THSD7B: variants seen among roughly 807,000 people sequenced by gnomAD.
The protein encoded by THSD7B is thrombospondin type-1 domain-containing protein 7B.
THSD7B carries 138 observed loss-of-function variants against 213.6 expected under a neutral mutation model. That is an observed-to-expected ratio of 0.65 (90% CI 0.56 to 0.74). The LOEUF (loss-of-function observed/expected upper bound fraction) is 0.74, where lower values mean the gene tolerates loss of function less well. Among genes scored for constraint, THSD7B ranks in the 30% least tolerant of loss-of-function variants. THSD7B has a pLI of 0.00. For missense variants in THSD7B, 1,931 were observed against 1,991.5 expected, an observed-to-expected ratio of 0.97 and a Z score of 0.58; for synonymous variants, 742 against 687.0, an observed-to-expected ratio of 1.08 and a Z score of -1.25.
At chr2:136,814,068 A>T (rs1218599697) in intron 1 of THSD7B, among the ~76,000 whole-genome samples, 3 of 152,138 alleles carry the variant, frequency 2.0e-5, no homozygotes, top group Non-Finnish European at 4.4e-5. Context: ...CTCCAGAACC[A>T]CCAGTTGGGA....
chr2:137,217,488 A>T (rs950758751), intron 7 of THSD7B, among the ~76,000 whole-genome samples: 2 of 152,152 alleles, frequency 1.3e-5, no homozygotes, highest in African/African-American at 4.8e-5. Flanking sequence ...TGAAGTAGCC[A>T]ATGCAAACTT....
chr2:137,533,765 C>T (rs1216406873), intron 15 of THSD7B, among the ~76,000 whole-genome samples: 1 of 151,900 alleles, frequency 6.6e-6, no homozygotes, highest in Non-Finnish European at 1.5e-5. Context: ...ATTGAGATTT[C>T]AGCAAGTTGC....
intron 3 of THSD7B, among the ~76,000 whole-genome samples, chr2:137,075,660 C>T (rs939083592): frequency 1.3e-4 from 20 of 152,192 alleles, no homozygotes; most frequent in African/African-American, 4.8e-4. Flanking sequence ...AGGAGAGGCG[C>T]TCTGATTTTT....
chr2:137,364,704 A>G (rs1485746490), intron 12 of THSD7B, among the ~76,000 whole-genome samples: 1 of 152,186 alleles, frequency 6.6e-6, no homozygotes, highest in South Asian at 2.1e-4. Flanking sequence ...GACCTCTTCA[A>G]GGAGAACTAC....
intron 1 of THSD7B, among the ~76,000 whole-genome samples, chr2:136,780,923 G>A (rs1681730255): frequency 6.6e-6 from 1 of 152,112 alleles, no homozygotes; most frequent in African/African-American, 2.4e-5. Flanking sequence ...ATTAGAAGGG[G>A]GTGGATAGCC....
At chr2:136,905,137 G>C (rs759760452) in intron 2 of THSD7B, among the ~76,000 whole-genome samples, 1 of 152,200 alleles carries the variant, frequency 6.6e-6, no homozygotes, top group Non-Finnish European at 1.5e-5. Flanking sequence ...CACTGGTAGA[G>C]GTGAAATGAG....
At chr2:137,089,403 C>T (rs13019372) in intron 3 of THSD7B, among the ~76,000 whole-genome samples, 1 of 137,956 alleles carries the variant, frequency 7.2e-6, no homozygotes, top group African/African-American at 2.8e-5. Context: ...TGTATATATA[C>T]ATATACACAC....
chr2:137,636,190 CA>C (rs1326259180), intron 20 of THSD7B, among the ~76,000 whole-genome samples: 1 of 152,160 alleles, frequency 6.6e-6, no homozygotes, highest in Non-Finnish European at 1.5e-5. Context: ...GCCCAGTCAA[CA>C]AACTTTCTCC....
intron 2 of THSD7B, among the ~76,000 whole-genome samples, chr2:137,011,791 T>C (rs1686235043): frequency 6.6e-6 from 1 of 152,144 alleles, no homozygotes; most frequent in African/African-American, 2.4e-5. Flanking sequence ...AGCACTAGAG[T>C]CTGTTCCATC....
intron 12 of THSD7B, among the ~76,000 whole-genome samples, chr2:137,398,722 C>T (rs1686267570): frequency 6.6e-6 from 1 of 152,128 alleles, no homozygotes; most frequent in Admixed American, 6.5e-5. Flanking sequence ...GCTTTGTTTA[C>T]CTAATCAAGC....
intron 4 of THSD7B, among the ~76,000 whole-genome samples, 184 bp downstream of exon 4, chr2:137,095,305 T>C (rs1242148304): frequency 2.0e-5 from 3 of 152,192 alleles, no homozygotes; most frequent in African/African-American, 7.2e-5. Context: ...CTCCCTTGGT[T>C]TAAGTCCTGT....
intron 1 of THSD7B, among the ~76,000 whole-genome samples, chr2:136,827,820 A>T (rs146992240): frequency 2.0e-5 from 3 of 152,264 alleles, no homozygotes; most frequent in African/African-American, 7.2e-5. Context: ...AGAGAGAAAT[A>T]TTAAGGAGAA....
At chr2:137,616,106 C>G in intron 17 of THSD7B, 69 bp from the exon 18 acceptor site, 1 of 1,529,800 alleles carries the variant, frequency 6.5e-7, no homozygotes, top group Non-Finnish European at 8.9e-7. Context: ...CCTACTTATA[C>G]CTGTATATCT....
chr2:137,012,191 G>A (rs1458786237), intron 2 of THSD7B, among the ~76,000 whole-genome samples: 1 of 152,178 alleles, frequency 6.6e-6, no homozygotes, highest in Non-Finnish European at 1.5e-5. Flanking sequence ...TACTATGGAG[G>A]TTCAGTACTG....
intron 7 of THSD7B, among the ~76,000 whole-genome samples, chr2:137,185,804 G>T (rs531944473): frequency 1.3e-5 from 2 of 152,096 alleles, no homozygotes; most frequent in South Asian, 4.1e-4. Context: ...AAGTTCTTTG[G>T]GAAATCTCCA....
At chr2:137,311,445 CT>C (rs1683903662) in intron 12 of THSD7B, among the ~76,000 whole-genome samples, 1 of 152,114 alleles carries the variant, frequency 6.6e-6, no homozygotes, top group Non-Finnish European at 1.5e-5. Flanking sequence ...ATCATGTCGT[CT>C]GCAGACAGGG....
intron 12 of THSD7B, among the ~76,000 whole-genome samples, chr2:137,293,524 A>G (rs1315696058): frequency 2.0e-5 from 3 of 150,026 alleles, no homozygotes; most frequent in Non-Finnish European, 4.4e-5. Context: ...TTCTATCTCT[A>G]TCTTTCTATT....
At chr2:137,157,878 T>G (rs915394375) in intron 5 of THSD7B, among the ~76,000 whole-genome samples, 2 of 152,232 alleles carry the variant, frequency 1.3e-5, no homozygotes, top group Admixed American at 1.3e-4. Flanking sequence ...TCAGCTTACA[T>G]GGCCCACTTT....
chr2:136,835,448 T>G (rs1029094932), intron 1 of THSD7B, among the ~76,000 whole-genome samples: 4 of 152,322 alleles, frequency 2.6e-5, no homozygotes, highest in South Asian at 2.1e-4. Flanking sequence ...ATATTGATGA[T>G]GCAAAGTATC....
Sources: allele counts gnomAD v4.1 joint callset (sites outside exome capture counted in the v4.1 genomes callset), GRCh38; gene constraint gnomAD v4.1.1; transcripts MANE v1.5; gene names NCBI Gene and HGNC (gene_info 2026-07-23, HGNC 2026-07-21).